The following DRC8 variants were observed in gnomAD, a reference collection of about 807,000 sequenced individuals.
DRC8 encodes the protein dynein regulatory complex protein 8.
At chr1:245,061,893 G>A in the DRC8 span, among the ~76,000 whole-genome samples, 133 of 152,314 alleles carry the variant, frequency 8.7e-4, 1 homozygote, top group African/African-American at 3.0e-3. Flanking sequence ...ATCACTCGAG[G>A]TCAGGAGTTT....
At chr1:245,017,327 G>T in the DRC8 span, 2 of 1,578,650 alleles carry the variant, frequency 1.3e-6, no homozygotes, top group Non-Finnish European at 1.7e-6. Context: ...TGGATGTGAG[G>T]TGTGGAAATA....
chr1:245,008,448 CGT>C, the DRC8 span, among the ~76,000 whole-genome samples: 1 of 152,024 alleles, frequency 6.6e-6, no homozygotes, highest in African/African-American at 2.4e-5. Flanking sequence ...TGCTTCCCAA[CGT>C]GTTACTTTTT....
the DRC8 span, among the ~76,000 whole-genome samples, chr1:244,977,632 CCTTCTTGCCT>C: frequency 5.9e-5 from 9 of 152,026 alleles, no homozygotes; most frequent in African/African-American, 1.9e-4. Context: ...CTTTCTTGCT[CCTTCTTGCCT>C]GTTAAACTCT....
At chr1:245,038,942 A>G in the DRC8 span, among the ~76,000 whole-genome samples, 1 of 151,504 alleles carries the variant, frequency 6.6e-6, no homozygotes, top group Non-Finnish European at 1.5e-5. Context: ...AAAATCTTAC[A>G]TTGTAAATGG....
chr1:244,980,398 G>T, the DRC8 span, among the ~76,000 whole-genome samples: 1 of 151,988 alleles, frequency 6.6e-6, no homozygotes, highest in Admixed American at 6.6e-5. Context: ...GTTTTTTTTA[G>T]CAAGAGACAA....
the DRC8 span, chr1:244,970,095 G>A: frequency 1.5e-6 from 1 of 660,922 alleles, no homozygotes; most frequent in East Asian, 3.0e-5. Flanking sequence ...AGGGAAAGGA[G>A]GGGTTGGGGA....
chr1:245,070,460 G>A, the DRC8 span, among the ~76,000 whole-genome samples: 1 of 152,182 alleles, frequency 6.6e-6, no homozygotes, highest in African/African-American at 2.4e-5. Context: ...TGTGAAGCAA[G>A]CCAAGGCAGT....
the DRC8 span, among the ~76,000 whole-genome samples, chr1:244,991,635 T>C: frequency 3.9e-5 from 6 of 152,188 alleles, no homozygotes; most frequent in African/African-American, 1.2e-4. Context: ...AACAGCCCTG[T>C]GAGGTAGAGA....
At chr1:245,073,703 AC>A in the DRC8 span, among the ~76,000 whole-genome samples, 1 of 152,190 alleles carries the variant, frequency 6.6e-6, no homozygotes, top group South Asian at 2.1e-4. Context: ...ATATATATAT[AC>A]ATGTATATAT....
chr1:245,103,673 C>T, the DRC8 span, among the ~76,000 whole-genome samples: 2 of 151,588 alleles, frequency 1.3e-5, no homozygotes, highest in African/African-American at 4.9e-5. Flanking sequence ...TATTTCAGTC[C>T]TCCACCCTGT....
At chr1:245,076,008 G>T in the DRC8 span, among the ~76,000 whole-genome samples, 2 of 152,204 alleles carry the variant, frequency 1.3e-5, no homozygotes, top group East Asian at 1.9e-4. Flanking sequence ...CAACAAGCGG[G>T]GAGGGAGAAG....
At chr1:244,979,736 C>T in the DRC8 span, among the ~76,000 whole-genome samples, 4 of 151,894 alleles carry the variant, frequency 2.6e-5, no homozygotes, top group African/African-American at 9.7e-5. Context: ...GCCACGACTC[C>T]CAGCCCCAGG....
At chr1:245,003,993 A>T in the DRC8 span, among the ~76,000 whole-genome samples, 125,413 of 152,136 alleles carry the variant, frequency 0.82, 51,816 homozygotes, top group East Asian at 1. Flanking sequence ...TAGCTGGGAC[A>T]ATAGGCATGT....
At chr1:244,984,145 T>A in the DRC8 span, among the ~76,000 whole-genome samples, 2 of 152,036 alleles carry the variant, frequency 1.3e-5, no homozygotes, top group Non-Finnish European at 2.9e-5. Context: ...GGGGAATAAT[T>A]TTGTTGAATC....
chr1:245,102,231 T>A, the DRC8 span, among the ~76,000 whole-genome samples: 1 of 152,224 alleles, frequency 6.6e-6, no homozygotes, highest in Non-Finnish European at 1.5e-5. Flanking sequence ...GGCCAAACTG[T>A]GGTCCTACTA....
the DRC8 span, among the ~76,000 whole-genome samples, chr1:245,002,887 A>G: frequency 6.6e-6 from 1 of 152,016 alleles, no homozygotes; most frequent in African/African-American, 2.4e-5. Flanking sequence ...AGCCGCCACC[A>G]CCATCCAACT....
At chr1:245,109,609 T>A in the DRC8 span, among the ~76,000 whole-genome samples, 2 of 152,206 alleles carry the variant, frequency 1.3e-5, no homozygotes, top group Admixed American at 6.5e-5. Context: ...ACCTGCAGAG[T>A]CATTTATGTA....
chr1:245,070,676 A>G, the DRC8 span, among the ~76,000 whole-genome samples: 1 of 152,138 alleles, frequency 6.6e-6, no homozygotes, highest in Admixed American at 6.5e-5. Flanking sequence ...CATTTTGGGT[A>G]ATTTTTTCCT....
the DRC8 span, among the ~76,000 whole-genome samples, chr1:244,984,136 G>T: frequency 1.3e-5 from 2 of 151,714 alleles, no homozygotes; most frequent in Non-Finnish European, 2.9e-5. Flanking sequence ...TTTGGGGGGG[G>T]GGAATAATTT....
Sources: gnomAD v4.1 joint callset for allele counts (sites outside exome capture counted in the v4.1 genomes callset) on GRCh38, gnomAD v4.1.1 for gene constraint, MANE v1.5 for transcripts, NCBI Gene and HGNC (gene_info 2026-07-23, HGNC 2026-07-21) for gene names.